Variants in FBXW11 observed in about 807,000 individuals in gnomAD.
FBXW11 encodes F-box and WD repeat domain containing 11.
Under a neutral mutation model 77.6 loss-of-function variants are expected in FBXW11, and 19 were observed. That is an observed-to-expected ratio of 0.24 (90% CI 0.17 to 0.36). The LOEUF is 0.36. Ranked by LOEUF, FBXW11 falls within the 10% of genes least tolerant of loss-of-function variation. The pLI is 1.00. For synonymous variants in FBXW11, 235 were observed against 249.4 expected (o/e 0.94, Z 0.54); for missense variants, 334 against 704.2 (o/e 0.47, Z 5.95).
At chr5:171,883,795 A>G (rs963686534) in intron 7 of FBXW11, among the ~76,000 whole-genome samples, 1 of 151,844 alleles carries the variant, frequency 6.6e-6, no homozygotes, top group Non-Finnish European at 1.5e-5. Flanking sequence ...ACTATTTTGT[A>G]TATCTTCTTT....
chr5:171,997,541 C>G (rs1766133666), intron 1 of FBXW11, among the ~76,000 whole-genome samples: 1 of 152,186 alleles, frequency 6.6e-6, no homozygotes, highest in African/African-American at 2.4e-5. Flanking sequence ...GACATCATAT[C>G]TACATATTAC....
chr5:171,993,420 T>A (rs1177202799), intron 1 of FBXW11, among the ~76,000 whole-genome samples: 1 of 152,098 alleles, frequency 6.6e-6, no homozygotes, highest in Admixed American at 6.6e-5. Flanking sequence ...GAGACCATCC[T>A]GGCCAACAAT....
intron 4 of FBXW11, among the ~76,000 whole-genome samples, chr5:171,902,201 G>C (rs530142693): frequency 2.0e-5 from 3 of 152,260 alleles, no homozygotes; most frequent in African/African-American, 7.2e-5. Context: ...TCATTCTTCA[G>C]ACCTACCTAC....
intron 6 of FBXW11, among the ~76,000 whole-genome samples, chr5:171,893,014 CACT>C (rs1429840769): frequency 6.6e-6 from 1 of 152,284 alleles, no homozygotes. Context: ...ACATGCCAGG[CACT>C]ATGCTTTTCT....
chr5:171,957,238 AT>A (rs1403192908), intron 2 of FBXW11, among the ~76,000 whole-genome samples: 27 of 152,348 alleles, frequency 1.8e-4, no homozygotes, highest in African/African-American at 6.3e-4. Context: ...CACTTTAATT[AT>A]GAAACCCTCC....
intron 1 of FBXW11, among the ~76,000 whole-genome samples, chr5:171,998,415 T>A (rs1766199666): frequency 6.8e-6 from 1 of 146,690 alleles, no homozygotes; most frequent in African/African-American, 2.6e-5. Context: ...GCTCAAGCGA[T>A]CTGCCTACCT....
At chr5:171,880,885 G>A (rs1356526459) in intron 7 of FBXW11, among the ~76,000 whole-genome samples, 3 of 152,066 alleles carry the variant, frequency 2.0e-5, no homozygotes, top group African/African-American at 4.8e-5. Context: ...TAGTGGAGAC[G>A]GAGTTTCACC....
chr5:171,937,556 C>G (rs1762539212), intron 2 of FBXW11, among the ~76,000 whole-genome samples: 1 of 152,050 alleles, frequency 6.6e-6, no homozygotes, highest in Non-Finnish European at 1.5e-5. Context: ...GCAGTGGGGG[C>G]CGGATACAGT....
intron 1 of FBXW11, among the ~76,000 whole-genome samples, chr5:171,973,271 G>A (rs1402423181): frequency 6.6e-6 from 1 of 152,108 alleles, no homozygotes; most frequent in Non-Finnish European, 1.5e-5. Flanking sequence ...AAGTTATACA[G>A]AACAAATAAG....
chr5:171,963,092 A>T (rs547599137), intron 1 of FBXW11, among the ~76,000 whole-genome samples: 33 of 152,296 alleles, frequency 2.2e-4, no homozygotes, highest in Non-Finnish European at 3.5e-4. Context: ...ATCTGAACTT[A>T]TATCTATCTG....
chr5:171,967,855 C>CATAT lies in FBXW11; in HGVS notation c.46-10161_46-10158dup, dbSNP rs375683631. 5.7e-3 allele frequency among the ~76,000 whole-genome samples: 674 copies of CATAT among 118,374 alleles called. 4 individuals are homozygous for CATAT. The highest frequency in any genetic ancestry group is 0.014 in the African/African-American group (352 of 24,472). The allele number at this position is 118,374 out of a possible 152,430, so 77.7% of individuals were successfully genotyped here. A position where few individuals can be genotyped will look rare whatever the true frequency, so the allele number is the denominator to read the frequency against. On this transcript the variant is annotated intron_variant, in intron 1 of 13. Coordinates refer to ENST00000517395, the MANE Select transcript of FBXW11 (RefSeq NM_001378974.1). ...ACTCTGTCTCAAAAAAAAAAAAATG[C>CATAT]ATATATATATATATATATATATATA...
chr5:171,999,921 A>C (rs976173323), intron 1 of FBXW11, among the ~76,000 whole-genome samples: 2 of 152,130 alleles, frequency 1.3e-5, no homozygotes, highest in Admixed American at 1.3e-4. Context: ...CTGAGAGGGA[A>C]TTTCCTAAAA....
chr5:171,898,349 T>C (rs1759889182), intron 6 of FBXW11, among the ~76,000 whole-genome samples: 1 of 152,192 alleles, frequency 6.6e-6, no homozygotes, highest in Admixed American at 6.6e-5. Flanking sequence ...AGAACACATG[T>C]GAAAGAGTTA....
chr5:171,980,070 TG>T (rs967076880), intron 1 of FBXW11, among the ~76,000 whole-genome samples: 3 of 152,236 alleles, frequency 2.0e-5, no homozygotes, highest in African/African-American at 4.8e-5. Flanking sequence ...ACCTAATGCT[TG>T]CTTGGACCAG....
intron 1 of FBXW11, among the ~76,000 whole-genome samples, chr5:171,973,071 T>A (rs1268675314): frequency 6.6e-6 from 1 of 152,194 alleles, no homozygotes; most frequent in African/African-American, 2.4e-5. Context: ...AAAGAGAGAG[T>A]ACTGTGGCAC....
At chr5:171,974,808 C>A (rs985554138) in intron 1 of FBXW11, among the ~76,000 whole-genome samples, 1 of 152,104 alleles carries the variant, frequency 6.6e-6, no homozygotes, top group Non-Finnish European at 1.5e-5. Context: ...CACTATGTGA[C>A]CTCTTTTGAG....
At position 171,891,414 on chromosome 5, in the gene FBXW11, C is replaced by CT. The variant is rs1455732518; in HGVS notation, c.852+52dup. On this transcript the variant is annotated intron_variant, in intron 7 of 13. Transcript: ENST00000517395. The stretch of plus-strand genomic sequence containing the variant: ...ATGGAAAGATTGTCACATCTAGTGT[C>CT]TAACACATAGCCACGATTCTAAAAA... 96 of 1,522,506 alleles carry CT rather than the reference C, an allele frequency of 6.3e-5. 1 individual carries two copies. The East Asian group carries it at 2.2e-3, about 35-fold the overall frequency. The allele number at this position is 1,522,506 out of a possible 1,614,324, so 94.3% of individuals were successfully genotyped here.
chr5:171,878,525 G>A (rs1256772340), intron 7 of FBXW11, among the ~76,000 whole-genome samples: 1 of 149,808 alleles, frequency 6.7e-6, no homozygotes. Flanking sequence ...GACCAGCCTG[G>A]GCAACATACC....
intron 2 of FBXW11, among the ~76,000 whole-genome samples, chr5:171,943,134 T>C (rs1013179792): frequency 3.9e-5 from 6 of 152,232 alleles, no homozygotes; most frequent in African/African-American, 9.6e-5. Flanking sequence ...AAGTGACTGT[T>C]GGTTTTCTAA....
Sources: gnomAD v4.1 joint callset for allele counts (sites outside exome capture counted in the v4.1 genomes callset) on GRCh38, gnomAD v4.1.1 for gene constraint, MANE v1.5 for transcripts, NCBI Gene and HGNC (gene_info 2026-07-23, HGNC 2026-07-21) for gene names.